LHFPL3: variants seen among roughly 807,000 people sequenced by gnomAD.
The protein encoded by LHFPL3 is LHFPL tetraspan subfamily member 3.
Under a neutral mutation model 19.3 loss-of-function variants are expected in LHFPL3, and 5 were observed. The ratio of observed to expected loss-of-function variants is 0.26; its 90% CI spans 0.14 to 0.54. LHFPL3 has a LOEUF of 0.54. LHFPL3 is among the 20% of genes least tolerant of loss of function. The probability of loss-of-function intolerance (pLI) is 0.94; values close to 1 mark genes in which losing one functional copy is unlikely to be tolerated. For missense variants in LHFPL3, 249 were observed against 307.4 expected (o/e 0.81, Z 1.42); for synonymous variants, 133 against 126.2 (o/e 1.05, Z -0.36).
chr7:104,644,718 T>TGCTTTCAAAAAGGGAAAGTGGGAGACAAA, intron 1 of LHFPL3, among the ~76,000 whole-genome samples: 1 of 142,190 alleles, frequency 7.0e-6, no homozygotes, highest in Non-Finnish European at 1.5e-5. Flanking sequence ...TCTCCCTTGT[T>TGCTTTCAAAAAGGGAAAGTGGGAGACAAA]AGTGCCTGTT....
intron 1 of LHFPL3, among the ~76,000 whole-genome samples, chr7:104,493,214 C>A (rs1793391671): frequency 6.6e-6 from 1 of 152,140 alleles, no homozygotes; most frequent in African/African-American, 2.4e-5. Flanking sequence ...TCTGGCCCCC[C>A]ACTTTCTTAA....
intron 1 of LHFPL3, among the ~76,000 whole-genome samples, chr7:104,415,816 A>G (rs1358436280): frequency 6.6e-6 from 1 of 152,158 alleles, no homozygotes; most frequent in Non-Finnish European, 1.5e-5. Context: ...TTCTACTAGA[A>G]TGTTCGGAAG....
At chr7:104,715,730 A>C (rs1793373061) in intron 1 of LHFPL3, among the ~76,000 whole-genome samples, 1 of 152,224 alleles carries the variant, frequency 6.6e-6, no homozygotes, top group Non-Finnish European at 1.5e-5. Context: ...CTTTGTATCC[A>C]AGGGATAAAT....
At chr7:104,902,142 GACCAAGGT>G (rs1254682379) in intron 2 of LHFPL3, among the ~76,000 whole-genome samples, 2 of 152,124 alleles carry the variant, frequency 1.3e-5, no homozygotes, top group East Asian at 1.9e-4. Flanking sequence ...TACTTCAGGA[GACCAAGGT>G]GGGAGGATCA....
intron 2 of LHFPL3, among the ~76,000 whole-genome samples, chr7:104,772,392 A>G (rs1729779588): frequency 6.6e-6 from 1 of 152,176 alleles, no homozygotes; most frequent in South Asian, 2.1e-4. Flanking sequence ...CTTTCTGCTC[A>G]AGCCTAATAG....
intron 1 of LHFPL3, among the ~76,000 whole-genome samples, chr7:104,615,806 G>C (rs539433530): frequency 6.6e-6 from 1 of 151,950 alleles, no homozygotes; most frequent in African/African-American, 2.4e-5. Context: ...TTAGTTTGCC[G>C]AATGATGGTT....
chr7:104,715,883 G>A (rs1234643057), intron 1 of LHFPL3, among the ~76,000 whole-genome samples: 2 of 152,136 alleles, frequency 1.3e-5, no homozygotes, highest in Non-Finnish European at 2.9e-5. Context: ...CCTGGCTTTG[G>A]CGTCAGAGTA....
chr7:104,477,711 C>A (rs981800100), intron 1 of LHFPL3, among the ~76,000 whole-genome samples: 1 of 151,468 alleles, frequency 6.6e-6, no homozygotes, highest in Admixed American at 6.6e-5. Context: ...ACAAGTTTAC[C>A]TATGTAATGA....
At chr7:104,338,062 AG>A (rs1789865455) in intron 1 of LHFPL3, among the ~76,000 whole-genome samples, 1 of 150,322 alleles carries the variant, frequency 6.7e-6, no homozygotes, top group Non-Finnish European at 1.5e-5. Flanking sequence ...GCATATAAAA[AG>A]GGTCTTATGA....
intron 2 of LHFPL3, among the ~76,000 whole-genome samples, chr7:104,783,873 T>A (rs1168481085): frequency 6.6e-6 from 1 of 152,212 alleles, no homozygotes; most frequent in Non-Finnish European, 1.5e-5. Context: ...AAAAGAAGAA[T>A]CTGGGTCATG....
chr7:104,833,038 T>TATTATATATAATAGAG (rs1554349395), intron 2 of LHFPL3, among the ~76,000 whole-genome samples: 2 of 21,602 alleles, frequency 9.3e-5, no homozygotes, highest in African/African-American at 5.3e-4. Context: ...ATATTATATA[T>TATTATATATAATAGAG]ATATATTATA....
intron 1 of LHFPL3, among the ~76,000 whole-genome samples, chr7:104,478,405 A>T (rs780676510): frequency 3.9e-5 from 6 of 151,966 alleles, no homozygotes; most frequent in Non-Finnish European, 8.8e-5. Flanking sequence ...GGTAGTTTTG[A>T]TGTCTGCTTT....
intron 1 of LHFPL3, among the ~76,000 whole-genome samples, chr7:104,504,884 G>A (rs1317614094): frequency 6.6e-6 from 1 of 152,154 alleles, no homozygotes; most frequent in African/African-American, 2.4e-5. Flanking sequence ...ACTTGTGGTG[G>A]AAGCTTTTAG....
chr7:104,429,483 T>G (rs911259292), intron 1 of LHFPL3, among the ~76,000 whole-genome samples: 3 of 147,898 alleles, frequency 2.0e-5, no homozygotes, highest in African/African-American at 5.3e-5. Context: ...ATTTTTTGTT[T>G]TGTTTTTTTT....
At chr7:104,424,335 C>T (rs1306328941) in intron 1 of LHFPL3, among the ~76,000 whole-genome samples, 7 of 152,258 alleles carry the variant, frequency 4.6e-5, no homozygotes, top group African/African-American at 1.2e-4. Context: ...CACAGAAGTG[C>T]GGCTGTACGA....
chr7:104,739,931 C>T (rs1442078695), intron 2 of LHFPL3, among the ~76,000 whole-genome samples: 1 of 152,172 alleles, frequency 6.6e-6, no homozygotes, highest in Admixed American at 6.6e-5. Flanking sequence ...TCTCTTTCCC[C>T]ATTGAAATCT....
At chr7:104,738,423 A>T (rs1793870052) in intron 2 of LHFPL3, among the ~76,000 whole-genome samples, 1 of 152,172 alleles carries the variant, frequency 6.6e-6, no homozygotes, top group Non-Finnish European at 1.5e-5. Context: ...CTTTTTCAAA[A>T]GAATGAATTA....
chr7:104,898,728 G>A (rs540281718), intron 2 of LHFPL3, among the ~76,000 whole-genome samples: 4 of 152,272 alleles, frequency 2.6e-5, no homozygotes, highest in South Asian at 4.1e-4. Flanking sequence ...GCTGAGGTGG[G>A]AGAACTGCTT....
chr7:104,877,616 TA>T (rs1276371810), intron 2 of LHFPL3, among the ~76,000 whole-genome samples: 2 of 152,094 alleles, frequency 1.3e-5, no homozygotes, highest in African/African-American at 4.8e-5. Context: ...AGATGGGTAA[TA>T]ATAAGTGTTG....
Sources: allele counts gnomAD v4.1 joint callset (sites outside exome capture counted in the v4.1 genomes callset), GRCh38; gene constraint gnomAD v4.1.1; transcripts MANE v1.5; gene names NCBI Gene and HGNC (gene_info 2026-07-23, HGNC 2026-07-21).